Variants in LVRN observed in about 807,000 individuals in gnomAD.
LVRN encodes the protein aminopeptidase Q.
A neutral mutation model predicts 111.4 loss-of-function variants in LVRN; 99 were observed. The observed-to-expected ratio is 0.89, with a 90% CI of 0.76 to 1.05. The LOEUF is 1.05. Ranked by LOEUF, LVRN falls within the 50% of genes least tolerant of loss-of-function variation. LVRN has a pLI of 0.00. For synonymous variants in LVRN, 488 were observed against 449.5 expected, an observed-to-expected ratio of 1.09 and a Z score of -1.08; for missense variants, 1,414 against 1,206.8, an observed-to-expected ratio of 1.17 and a Z score of -2.54.
chr5:115,970,674 C>T (rs753423939), intron 1 of LVRN, among the ~76,000 whole-genome samples: 20 of 150,254 alleles, frequency 1.3e-4, no homozygotes, highest in African/African-American at 2.9e-4. Flanking sequence ...TGTGAGCCAC[C>T]GCACCCATCT....
chr5:116,010,029 C>A (rs1748453270), intron 13 of LVRN, among the ~76,000 whole-genome samples: 1 of 152,160 alleles, frequency 6.6e-6, no homozygotes, highest in Non-Finnish European at 1.5e-5. Flanking sequence ...ATTTGGCAAA[C>A]TTTATTGTTG....
rs939385605 is a variant in LVRN at position 115,993,625 on chromosome 5, G to A, written c.1261-116G>A. ...CTGTCTTCAAGTTTTGTTATTGATG[G>A]CAAATAAATTTTAATTATGTCTTTT... On this transcript the variant is annotated intron_variant, in intron 5 of 19. Coordinates refer to ENST00000357872, the MANE Select transcript of LVRN (RefSeq NM_173800.5). The A allele has an allele frequency of 9.1e-5, 60 of 659,512 alleles. No homozygotes were observed. In the African/African-American group the frequency reaches 1.0e-3, roughly 11 times the overall value. 40.9% of individuals were successfully genotyped at this position (659,512 alleles called of 1,614,324 possible).
At chr5:116,001,380 A>G in intron 10 of LVRN, 141 bp downstream of exon 10, 1 of 1,000,396 alleles carries the variant, frequency 1.0e-6, no homozygotes, top group Non-Finnish European at 1.5e-6. Flanking sequence ...AGGGTGAAGC[A>G]GAGCCCTTGT....
chr5:115,970,644 C>G (rs969804151), intron 1 of LVRN, among the ~76,000 whole-genome samples: 1 of 152,140 alleles, frequency 6.6e-6, no homozygotes, highest in Non-Finnish European at 1.5e-5. Context: ...CTTGGCCTCC[C>G]AAAGTGCTGG....
At chr5:116,016,654 A>C (rs188704881) in intron 18 of LVRN, among the ~76,000 whole-genome samples, 36 of 152,342 alleles carry the variant, frequency 2.4e-4, no homozygotes, top group African/African-American at 7.5e-4. Context: ...TTAGCCTTAT[A>C]AAGTCTACAA....
chr5:115,981,982 T>C (rs1753568849), intron 1 of LVRN, among the ~76,000 whole-genome samples: 1 of 152,150 alleles, frequency 6.6e-6, no homozygotes, highest in African/African-American at 2.4e-5. Flanking sequence ...CTTAACAAGA[T>C]TGTGTGACTG....
chr5:116,002,892 C>G lies in LVRN; in HGVS notation c.1878C>G (p.Val626=). 2 of 1,608,856 alleles carry G rather than the reference C, an allele frequency of 1.2e-6. No individual in the cohort carries two copies. Among genetic ancestry groups the G allele is most frequent in the Non-Finnish European group, 8.5e-7 (1 of 1,175,994 alleles). The change falls in exon 11 of 20, where the codon GTC becomes GTG. Residue 626 remains valine, a synonymous_variant. Coordinates refer to ENST00000357872, the MANE Select transcript of LVRN (RefSeq NM_173800.5). ...AAAATGGAACTACACAACCTTTAGTCTGGCTAGATCAAAGCAGCAGTAAGT... is the reference window on the plus strand; with the variant it reads ...AAAATGGAACTACACAACCTTTAGTGTGGCTAGATCAAAGCAGCAGTAAGT... The part of the protein sequence containing the change: ...WIKNGTTQPL[V]WLDQSSKVFP...
intron 5 of LVRN, among the ~76,000 whole-genome samples, chr5:115,992,660 A>T (rs913433302): frequency 8.5e-5 from 13 of 152,226 alleles, no homozygotes; most frequent in African/African-American, 3.1e-4. Context: ...GCAGATTGTT[A>T]TAAATTTCTA....
chr5:115,978,486 A>G (rs1397500592), intron 1 of LVRN, among the ~76,000 whole-genome samples: 3 of 152,172 alleles, frequency 2.0e-5, no homozygotes, highest in African/African-American at 7.2e-5. Context: ...TCTGCTCTGC[A>G]TGAGGACCCC....
At chr5:115,984,202 T>A (rs1252044860) in intron 2 of LVRN, among the ~76,000 whole-genome samples, 1 of 152,142 alleles carries the variant, frequency 6.6e-6, no homozygotes, top group Non-Finnish European at 1.5e-5. Context: ...GAATTGCACC[T>A]TGTTGACCTA....
chr5:116,010,028 A>G (rs1748453227), intron 13 of LVRN, among the ~76,000 whole-genome samples: 3 of 152,218 alleles, frequency 2.0e-5, no homozygotes, highest in African/African-American at 7.2e-5. Context: ...AATTTGGCAA[A>G]CTTTATTGTT....
Position 115,987,806 on chromosome 5 carries a change from G to C in LVRN, c.979-7G>C. 1 of 1,609,510 alleles carries C rather than the reference G, an allele frequency of 6.2e-7. No homozygotes were observed. The highest frequency in any genetic ancestry group is 8.5e-7 in the Non-Finnish European group (1 of 1,178,392). ...TTCCTAATCACTGCTTAACTGTTTT[G>C]ATTTAGATACGCATCTGGGCCCGGA... On this transcript the variant is annotated splice_region_variant and splice_polypyrimidine_tract_variant and intron_variant, in intron 3 of 19. Transcript: ENST00000357872.
At position 115,967,169 on chromosome 5, in the gene LVRN, C is replaced by A. The variant is rs1753220949; in HGVS notation, c.695+3857C>A. Among the ~76,000 whole-genome samples, 4 of 152,022 alleles carry A rather than the reference C, an allele frequency of 2.6e-5. No individual in the cohort carries two copies. The South Asian group carries it at 6.2e-4, about 24-fold the overall frequency. On this transcript the variant is annotated intron_variant, in intron 1 of 19. Transcript: ENST00000357872. ...AGTTTTACTTTAATTTTGATGAAGT[C>A]CAATTTGTCTATTTTTTAATGGATC...
chr5:115,974,456 T>C (rs1458001921), intron 1 of LVRN: 1 of 152,312 alleles, frequency 6.6e-6, no homozygotes, highest in Non-Finnish European at 1.5e-5. Flanking sequence ...TGAAACTATA[T>C]ATGTTATTAA....
At chr5:116,011,759 C>G (rs1748494067) in intron 14 of LVRN, among the ~76,000 whole-genome samples, 1 of 152,158 alleles carries the variant, frequency 6.6e-6, no homozygotes, top group South Asian at 2.1e-4. Flanking sequence ...CATCTGATGA[C>G]TTGTTCTGGG....
rs75191457 is a variant in LVRN, at chr5:115,992,422, G to C, written c.1260+145G>C. ...TCAAAGTATGACAGTGAGTAAAAAT[G>C]GGGAAGACTCAGATTCAGGGTGGAT... On this transcript the variant is annotated intron_variant, in intron 5 of 19. Transcript: ENST00000357872. The C allele has an allele frequency of 3.8e-3, 3,582 of 945,144 alleles. 108 individuals carry two copies. In the African/African-American group the frequency reaches 0.054, roughly 14 times the overall value. The allele number at this position is 945,144 out of a possible 1,614,324, so 58.5% of individuals were successfully genotyped here. A position where few individuals can be genotyped will look rare whatever the true frequency, so the allele number is the denominator to read the frequency against.
chr5:115,997,249 T>C (rs1748134651), intron 6 of LVRN, among the ~76,000 whole-genome samples: 1 of 152,142 alleles, frequency 6.6e-6, no homozygotes, highest in African/African-American at 2.4e-5. Context: ...GTCACATAAC[T>C]CCTAAAGGGC....
At chr5:116,007,182 A>T (rs980500904) in intron 13 of LVRN, among the ~76,000 whole-genome samples, 1 of 152,140 alleles carries the variant, frequency 6.6e-6, no homozygotes, top group Non-Finnish European at 1.5e-5. Context: ...CTTTAACACT[A>T]TTGCAATAAA....
intron 1 of LVRN, among the ~76,000 whole-genome samples, chr5:115,963,547 T>C (rs1753138196): frequency 6.6e-6 from 1 of 152,222 alleles, no homozygotes; most frequent in Non-Finnish European, 1.5e-5. Context: ...CATATTGGTG[T>C]GCTGCACCCA....
Sources: gnomAD v4.1 joint callset for allele counts (sites outside exome capture counted in the v4.1 genomes callset) on GRCh38, gnomAD v4.1.1 for gene constraint, MANE v1.5 for transcripts, NCBI Gene and HGNC (gene_info 2026-07-23, HGNC 2026-07-21) for gene names.